Variants in ZNF396 observed in about 807,000 individuals in gnomAD.
The protein encoded by ZNF396 is zinc finger protein 396.
Under a neutral mutation model 20.5 loss-of-function variants are expected in ZNF396, and 14 were observed. The observed-to-expected ratio is 0.68, with a 90% CI of 0.45 to 1.07. ZNF396 has a LOEUF of 1.07. Among genes scored for constraint, ZNF396 ranks in the 50% least tolerant of loss-of-function variants. ZNF396 has a pLI of 0.00. For synonymous variants in ZNF396, 119 were observed against 140.6 expected, an observed-to-expected ratio of 0.85 and a Z score of 1.08; for missense variants, 347 against 390.1, an observed-to-expected ratio of 0.89 and a Z score of 0.93.
chr18:35,370,666 C>G (rs1244360988), intron 3 of ZNF396, among the ~76,000 whole-genome samples: 2 of 151,054 alleles, frequency 1.3e-5, no homozygotes, highest in African/African-American at 4.9e-5. Flanking sequence ...GCGCCCGCCA[C>G]TACGCCCGGC....
At position 35,374,365 on chromosome 18, in the gene ZNF396, C is replaced by A; in HGVS notation, c.-72-1G>T. ...GGTGAAGCTGTCCTGATGGACACTC[C>A]TTAAATATGATTAAAGAAACAAGTG... On this transcript the variant is annotated splice_acceptor_variant, in intron 1 of 3. Coordinates refer to ENST00000589332, the MANE Select transcript of ZNF396 (RefSeq NM_001322286.2). LOFTEE classifies it low-confidence loss of function (5UTR_SPLICE). This position sits in a 1 kb window ranked among gnomAD's most constrained non-coding sequence, Gnocchi z 4.3. 7.2e-7 allele frequency: 1 copy of A among 1,390,400 alleles called. No homozygotes were observed. The highest frequency in any genetic ancestry group is 9.8e-7 in the Non-Finnish European group (1 of 1,024,798). The allele number at this position is 1,390,400 out of a possible 1,614,324, so 86.1% of individuals were successfully genotyped here.
Position 35,373,679 on chromosome 18 carries a change from C to A in ZNF396, c.418-79G>T. 3 of 1,549,144 alleles carry A rather than the reference C, an allele frequency of 1.9e-6. No homozygotes were observed. The Admixed American group carries it at 5.9e-5, about 31-fold the overall frequency. On this transcript the variant is annotated intron_variant, in intron 2 of 3. Transcript: ENST00000589332. Reference sequence around the variant, plus strand: ...ATAAAATAACAGAGAAGAAACTATGCAAAAAGTATCATGGACACAGGAAAA... The same window carrying A: ...ATAAAATAACAGAGAAGAAACTATGAAAAAAGTATCATGGACACAGGAAAA...
rs2045109858 is a variant in ZNF396 at position 35,367,322 on chromosome 18, G to A, written c.*1893C>T. 1 of 152,106 alleles carries A rather than the reference G, an allele frequency of 6.6e-6. No individual in the cohort carries two copies. Among genetic ancestry groups the A allele is most frequent in the African/African-American group, 2.4e-5 (1 of 41,432 alleles). 9.4% of individuals were successfully genotyped at this position (152,106 alleles called of 1,614,324 possible). A position where few individuals can be genotyped will look rare whatever the true frequency, so the allele number is the denominator to read the frequency against. ...TTACATTTATCAGCATACTAACTAA[G>A]CAGAGTGTGGTAATTCCACATATTT... On this transcript the variant is annotated 3_prime_UTR_variant, in exon 4 of 4. Transcript: ENST00000589332.
rs547830487 is a variant in ZNF396 at position 35,367,069 on chromosome 18, G to A, written c.*2146C>T. 5 of 152,278 alleles carry A rather than the reference G, an allele frequency of 3.3e-5. No individual in the cohort carries two copies. In the South Asian group the frequency reaches 8.3e-4, roughly 25 times the overall value. 9.4% of individuals were successfully genotyped at this position (152,278 alleles called of 1,614,324 possible). On this transcript the variant is annotated 3_prime_UTR_variant, in exon 4 of 4. Coordinates refer to ENST00000589332, the MANE Select transcript of ZNF396 (RefSeq NM_001322286.2). Reference sequence around the variant, plus strand: ...AAGAAACTCTTTCCGTAATTAAGCAGTAATTCACAATATATACATCTCTGA... The same window carrying A: ...AAGAAACTCTTTCCGTAATTAAGCAATAATTCACAATATATACATCTCTGA...
In ZNF396 at chr18:35,374,271, A is replaced by T. The variant is rs774661109; in HGVS notation, c.22T>A (p.Ser8Thr). Residue 8 changes from serine (S) to threonine (T), a missense_variant, in exon 2 of 4, where the codon TCA becomes ACA. Coordinates refer to ENST00000589332, the MANE Select transcript of ZNF396 (RefSeq NM_001322286.2). This position sits in a 1 kb window ranked among gnomAD's most constrained non-coding sequence, Gnocchi z 4.3. Reference protein sequence around the residue: MSAKLGKSSSLLTQTSEE... With the variant: MSAKLGKTSSLLTQTSEE... ...GAAGTTTGTGTTAGGAGTGATGATGACTTTCCCAATTTTGCAGACATTTTG... is the reference window on the plus strand; with the variant it reads ...GAAGTTTGTGTTAGGAGTGATGATGTCTTTCCCAATTTTGCAGACATTTTG... The T allele has an allele frequency of 9.9e-6, 16 of 1,613,894 alleles. No homozygotes were observed. In the East Asian group the frequency reaches 3.6e-4, roughly 36 times the overall value.
chr18:35,375,016 C>T (rs1012947854), intron 1 of ZNF396, among the ~76,000 whole-genome samples: 1 of 152,060 alleles, frequency 6.6e-6, no homozygotes, highest in Non-Finnish European at 1.5e-5. Context: ...GTTCAAAGAG[C>T]CAATCGGTAT....
chr18:35,368,318 C>A lies in ZNF396; in HGVS notation c.*897G>T. 1.7e-6 allele frequency: 2 copies of A among 1,202,308 alleles called. No individual in the cohort carries two copies. Among genetic ancestry groups the A allele is most frequent in the South Asian group, 2.1e-5 (1 of 48,456 alleles). 74.5% of individuals were successfully genotyped at this position (1,202,308 alleles called of 1,614,324 possible). ...TAACTTGATATTAATAGTATGGAGGCTCTTGTGTGCTTTCATAAGATAAGG... is the reference window on the plus strand; with the variant it reads ...TAACTTGATATTAATAGTATGGAGGATCTTGTGTGCTTTCATAAGATAAGG... On this transcript the variant is annotated 3_prime_UTR_variant, in exon 4 of 4. Coordinates refer to ENST00000589332, the MANE Select transcript of ZNF396 (RefSeq NM_001322286.2).
In ZNF396 at chr18:35,367,451, T is replaced by C. The variant is rs528135185; in HGVS notation, c.*1764A>G. ...TGAGGAACCCAACCAGACAAAGAAG[T>C]TTACTATGAGTCTCTTCCCTTATTC... On this transcript the variant is annotated 3_prime_UTR_variant, in exon 4 of 4. Transcript: ENST00000589332. 6 of 152,302 alleles carry C rather than the reference T, an allele frequency of 3.9e-5. 1 individual carries two copies. Among genetic ancestry groups the C allele is most frequent in the African/African-American group, 1.4e-4 (6 of 41,564 alleles). The allele number at this position is 152,302 out of a possible 1,614,324, so 9.4% of individuals were successfully genotyped here. A position where few individuals can be genotyped will look rare whatever the true frequency, so the allele number is the denominator to read the frequency against.
rs560955496 is a variant in ZNF396 at position 35,367,219 on chromosome 18, T to C, written c.*1996A>G. On this transcript the variant is annotated 3_prime_UTR_variant, in exon 4 of 4. Transcript: ENST00000589332. ...CACACAACTCAATATAAAATTCATA[T>C]TCACTAGAGCTACAAATCATAATCA... 53 of 152,310 alleles carry C rather than the reference T, an allele frequency of 3.5e-4. No homozygotes were observed. The highest frequency in any genetic ancestry group is 1.0e-3 in the African/African-American group (42 of 41,576). 9.4% of individuals were successfully genotyped at this position (152,310 alleles called of 1,614,324 possible).
intron 1 of ZNF396, among the ~76,000 whole-genome samples, chr18:35,375,121 C>T (rs1452072333): frequency 6.6e-6 from 1 of 151,642 alleles, no homozygotes; most frequent in African/African-American, 2.4e-5. Context: ...ATTACTTCGA[C>T]ATTAAAGGAA....
chr18:35,370,632 T>C (rs2909343), intron 3 of ZNF396, among the ~76,000 whole-genome samples: 133,269 of 147,140 alleles, frequency 0.91, 60,844 homozygotes, highest in Non-Finnish European at 0.93. Context: ...CCTGCCTCAG[T>C]CTCCCAAGTA....
chr18:35,368,282 A>G lies in ZNF396; in HGVS notation c.*933T>C. The stretch of plus-strand genomic sequence containing the variant: ...TTGCAAAGGAGATTATTTTTTTCCA[A>G]CACGGGAAATTAACTTGATATTAAT... On this transcript the variant is annotated 3_prime_UTR_variant, in exon 4 of 4. Coordinates refer to ENST00000589332, the MANE Select transcript of ZNF396 (RefSeq NM_001322286.2). 1 of 892,466 alleles carries G rather than the reference A, an allele frequency of 1.1e-6. No individual in the cohort carries two copies. The highest frequency in any genetic ancestry group is 1.6e-6 in the Non-Finnish European group (1 of 625,632). 55.3% of individuals were successfully genotyped at this position (892,466 alleles called of 1,614,324 possible).
At position 35,368,850 on chromosome 18, in the gene ZNF396, A is replaced by C; in HGVS notation, c.*365T>G. ...TGTCTATTTTTACACTGAGTAACTC[A>C]CACATTCCTTCTCAATGAGGGAAAA... On this transcript the variant is annotated 3_prime_UTR_variant, in exon 4 of 4. Transcript: ENST00000589332. 9.9e-7 allele frequency: 1 copy of C among 1,012,862 alleles called. No individual in the cohort carries two copies. The highest frequency in any genetic ancestry group is 1.2e-6 in the Non-Finnish European group (1 of 848,624). 62.7% of individuals were successfully genotyped at this position (1,012,862 alleles called of 1,614,324 possible). A position where few individuals can be genotyped will look rare whatever the true frequency, so the allele number is the denominator to read the frequency against.
At position 35,373,395 on chromosome 18, in the gene ZNF396, T is replaced by C. The variant is rs781134014; in HGVS notation, c.562+61A>G. 15 of 1,565,936 alleles carry C rather than the reference T, an allele frequency of 9.6e-6. No individual in the cohort carries two copies. The East Asian group carries it at 2.9e-4, about 31-fold the overall frequency. On this transcript the variant is annotated intron_variant, in intron 3 of 3. Transcript: ENST00000589332. ...GGCCTCTTGCATAAATCAGCTGAGA[T>C]GTGTGTGGTGAGCAGAGGGCCCCCA...
At chr18:35,373,732 A>G (rs1220247786) in intron 2 of ZNF396, 132 bp from the exon 3 acceptor site, 2 of 1,491,312 alleles carry the variant, frequency 1.3e-6, no homozygotes, top group Non-Finnish European at 1.8e-6. Context: ...GCCACCTTCT[A>G]TTTGCTGGGA....
rs2045118867 is a variant in ZNF396 at position 35,368,120 on chromosome 18, TTTA to T, written c.*1092_*1094del. On this transcript the variant is annotated 3_prime_UTR_variant, in exon 4 of 4. Transcript: ENST00000589332. ...CAATTTTGTTCATCTCCCTTTTTTC[TTTA>T]TATTAAGATGATCATCCATCTTACA... The T allele has an allele frequency of 3.9e-6, 1 of 258,940 alleles. No individual in the cohort carries two copies. The highest frequency in any genetic ancestry group is 7.2e-6 in the Non-Finnish European group (1 of 138,066). The allele number at this position is 258,940 out of a possible 1,614,324, so 16.0% of individuals were successfully genotyped here.
chr18:35,377,079 G>A (rs2045269036), intron 1 of ZNF396, among the ~76,000 whole-genome samples, 199 bp downstream of exon 1: 1 of 152,152 alleles, frequency 6.6e-6, no homozygotes, highest in Non-Finnish European at 1.5e-5. Context: ...AGGACGAGGG[G>A]AAGGGGTGCG....
intron 1 of ZNF396, among the ~76,000 whole-genome samples, chr18:35,377,050 G>A (rs2045268386): frequency 2.0e-5 from 3 of 152,214 alleles, no homozygotes; most frequent in South Asian, 4.1e-4. Flanking sequence ...CAGGGCAGGC[G>A]CCCGGGGTCC....
intron 3 of ZNF396, chr18:35,373,186 G>A (rs986613909): frequency 5.2e-5 from 22 of 426,242 alleles, no homozygotes; most frequent in African/African-American, 3.5e-4. Flanking sequence ...AGGGCTGCCT[G>A]AAGATAAAAG....
Sources: allele counts gnomAD v4.1 joint callset (sites outside exome capture counted in the v4.1 genomes callset), GRCh38; gene constraint gnomAD v4.1.1; non-coding constraint Gnocchi (gnomAD v3.1); transcripts MANE v1.5; gene names NCBI Gene and HGNC (gene_info 2026-07-23, HGNC 2026-07-21).